Variants in NTMT1 observed in about 807,000 individuals in gnomAD.
The protein encoded by NTMT1 is N-terminal RCC1 methyltransferase.
Under a neutral mutation model 17.5 loss-of-function variants are expected in NTMT1, and 8 were observed. The ratio of observed to expected loss-of-function variants is 0.46; its 90% CI spans 0.27 to 0.82. The LOEUF (loss-of-function observed/expected upper bound fraction) is 0.82, where lower values mean the gene tolerates loss of function less well. Among genes scored for constraint, NTMT1 ranks in the 40% least tolerant of loss-of-function variants. The pLI is 0.15. For synonymous variants in NTMT1, 128 were observed against 126.8 expected (o/e 1.01, Z -0.06); for missense variants, 221 against 303.5 (o/e 0.73, Z 2.02).
intron 1 of NTMT1, among the ~76,000 whole-genome samples, chr9:129,629,054 G>A (rs958051567): frequency 5.9e-5 from 9 of 152,236 alleles, no homozygotes; most frequent in East Asian, 1.9e-4. Context: ...ACAGGGTCTC[G>A]CTCTGTTGTC....
chr9:129,632,927 T>G, intron 2 of NTMT1, 62 bp downstream of exon 2: 1 of 1,561,420 alleles, frequency 6.4e-7, no homozygotes, highest in East Asian at 2.2e-5. Flanking sequence ...GCCGAGTCCA[T>G]GTGGGGTGCC....
rs1830604188 is a variant in NTMT1, at chr9:129,620,079, G to C, written c.-55+10901G>C. ...CGCGGGGCCTCACTCAGTGGCTCCG[G>C]CTCCTCGGCGCACTTCTCCTGGAGC... On this transcript the variant is annotated intron_variant, in intron 1 of 3. Coordinates refer to the NTMT1 transcript ENST00000372486. The surrounding 1 kb of genome is among the most constrained non-coding windows in gnomAD (Gnocchi z 5.8). The C allele has an allele frequency of 6.9e-7, 1 of 1,450,588 alleles. No homozygotes were observed. Among genetic ancestry groups the C allele is most frequent in the African/African-American group, 1.4e-5 (1 of 69,202 alleles). The allele number at this position is 1,450,588 out of a possible 1,614,324, so 89.9% of individuals were successfully genotyped here.
chr9:129,626,151 G>A (rs1036883646), upstream of NTMT1: 1 of 152,220 alleles, frequency 6.6e-6, no homozygotes. Flanking sequence ...AGTGACGTTG[G>A]CGGACAAAGG....
chr9:129,625,817 G>A (rs2118913449), upstream of NTMT1, among the ~76,000 whole-genome samples: 1 of 151,960 alleles, frequency 6.6e-6, no homozygotes, highest in South Asian at 2.1e-4. Context: ...TTCGAGACCA[G>A]CCTGGCCAAC....
At chr9:129,610,065 C>T (rs972257890) in intron 1 of NTMT1, among the ~76,000 whole-genome samples, 12 of 131,946 alleles carry the variant, frequency 9.1e-5, no homozygotes, top group Non-Finnish European at 1.8e-4. Context: ...GTGTGAGTGC[C>T]GAAAGCGGCG....
chr9:129,633,956 G>A (rs1370868524), intron 2 of NTMT1, 98 bp from the exon 3 acceptor site: 5 of 1,404,476 alleles, frequency 3.6e-6, no homozygotes, highest in Non-Finnish European at 4.8e-6. Context: ...GCGGAGTCCT[G>A]GAATCCTGAC....
chr9:129,630,618 C>T (rs768343297), intron 1 of NTMT1, among the ~76,000 whole-genome samples: 2 of 152,132 alleles, frequency 1.3e-5, no homozygotes, highest in Non-Finnish European at 2.9e-5. Context: ...GGACTGTACC[C>T]GAGTTCCATA....
upstream of NTMT1, among the ~76,000 whole-genome samples, chr9:129,621,747 C>G (rs1469710152): frequency 6.6e-6 from 1 of 152,124 alleles, no homozygotes; most frequent in African/African-American, 2.4e-5. Context: ...TGAGGGGTTT[C>G]TAAGCCTGCT....
At position 129,619,797 on chromosome 9, in the gene NTMT1, A is replaced by G. The variant is rs768219161; in HGVS notation, c.-55+10619A>G. ...CCGCGGAGACCCTGGGCAGTGCTCT[A>G]ATACACCCCTTTGATGTTGCGGTGC... is the stretch of plus-strand genomic sequence containing the variant. On this transcript the variant is annotated intron_variant, in intron 1 of 3. Coordinates refer to the NTMT1 transcript ENST00000372486. 3.7e-6 allele frequency: 6 copies of G among 1,614,060 alleles called. No homozygotes were observed. The South Asian group carries it at 6.6e-5, about 18-fold the overall frequency.
intron 1 of NTMT1, chr9:129,612,117 G>A (rs1487189830): frequency 4.0e-6 from 2 of 503,724 alleles, no homozygotes; most frequent in Admixed American, 3.2e-5. Flanking sequence ...TACAAGTCCT[G>A]AACCCCAGGG....
chr9:129,619,517 C>T (rs374639150), intron 1 of NTMT1: 20 of 1,607,416 alleles, frequency 1.2e-5, no homozygotes, highest in Non-Finnish European at 1.7e-5. Flanking sequence ...GCCCATCACT[C>T]ACTGGTTGGC....
upstream of NTMT1, among the ~76,000 whole-genome samples, chr9:129,623,433 AAGTGTCTTCTT>A (rs1830799872): frequency 6.6e-6 from 1 of 152,078 alleles, no homozygotes; most frequent in Admixed American, 6.5e-5. Context: ...GATCCTGGAG[AAGTGTCTTCTT>A]TCTCAGGACT....
rs1830611487 is a variant in NTMT1, at chr9:129,620,161, G to T, written c.-55+10983G>T. On this transcript the variant is annotated intron_variant, in intron 1 of 3. Transcript: ENST00000372486. The surrounding 1 kb of genome is among the most constrained non-coding windows in gnomAD (Gnocchi z 5.8). ...GGAGCTCTCCTAGGAAGGCGCCCAA[G>T]AAGTCGGGGTCCTCCCTGGCCACGC... 6.8e-7 allele frequency: 1 copy of T among 1,462,792 alleles called. No homozygotes were observed. Among genetic ancestry groups the T allele is most frequent in the South Asian group, 1.4e-5 (1 of 71,312 alleles). The allele number at this position is 1,462,792 out of a possible 1,614,324, so 90.6% of individuals were successfully genotyped here. A position where few individuals can be genotyped will look rare whatever the true frequency, so the allele number is the denominator to read the frequency against.
chr9:129,633,359 A>C (rs986410938), intron 2 of NTMT1: 1 of 241,356 alleles, frequency 4.1e-6, no homozygotes, highest in Non-Finnish European at 7.9e-6. Context: ...TGCTCCATCC[A>C]GCGCCTCCCC....
rs139564732 is a variant in NTMT1, at chr9:129,611,991, C to A, written c.-55+2813C>A. On this transcript the variant is annotated intron_variant, in intron 1 of 3. Transcript: ENST00000372486. ...TCTCAAACTCCTGGGCTCAAGCCATCCTCCCACCTCAGCCTTCCAAAGTTC... is the reference window on the plus strand; with the variant it reads ...TCTCAAACTCCTGGGCTCAAGCCATACTCCCACCTCAGCCTTCCAAAGTTC... Among the ~76,000 whole-genome samples, 1,057 of 152,102 alleles carry A rather than the reference C, an allele frequency of 6.9e-3. 34 individuals carry two copies. The highest frequency in any genetic ancestry group is 0.042 in the Admixed American group (642 of 15,292).
chr9:129,626,608 C>G (rs1261273910), intron 1 of NTMT1: 1 of 152,408 alleles, frequency 6.6e-6, no homozygotes, highest in East Asian at 1.9e-4. Context: ...TGTTTCCCTT[C>G]CGAGAAACAG....
chr9:129,622,208 C>A (rs1235569737), upstream of NTMT1, among the ~76,000 whole-genome samples: 1 of 152,160 alleles, frequency 6.6e-6, no homozygotes, highest in Non-Finnish European at 1.5e-5. Flanking sequence ...AATGAACAGA[C>A]CCTGCGGGGC....
intron 1 of NTMT1, among the ~76,000 whole-genome samples, chr9:129,631,404 C>T (rs1009489741): frequency 1.3e-5 from 2 of 152,224 alleles, no homozygotes; most frequent in African/African-American, 4.8e-5. Context: ...GCAGAATGGC[C>T]ACCCGTGGAG....
intron 3 of NTMT1, chr9:129,634,862 G>A: frequency 3.3e-6 from 1 of 306,244 alleles, no homozygotes. Context: ...AGTCTCTCTG[G>A]GAGCTCCTGC....
Sources: allele counts gnomAD v4.1 joint callset (sites outside exome capture counted in the v4.1 genomes callset), GRCh38; gene constraint gnomAD v4.1.1; non-coding constraint Gnocchi (gnomAD v3.1); transcripts MANE v1.5; gene names NCBI Gene and HGNC (gene_info 2026-07-23, HGNC 2026-07-21).